Variants in RHOT2 observed in about 807,000 individuals in gnomAD.
RHOT2 encodes the protein mitochondrial Rho GTPase 2.
Under a neutral mutation model 81.6 loss-of-function variants are expected in RHOT2, and 90 were observed. That is an observed-to-expected ratio of 1.10 (90% confidence interval 0.93 to 1.31). The LOEUF (loss-of-function observed/expected upper bound fraction) is 1.31. Ranked by LOEUF, RHOT2 falls within the 40% of genes most tolerant of loss-of-function variation. RHOT2 has a pLI of 0.00. For missense variants in RHOT2, 1,014 were observed against 841.9 expected (o/e 1.20, Z -2.53); for synonymous variants, 512 against 370.9 (o/e 1.38, Z -4.37).
Position 672,571 on chromosome 16 carries a change from GTGC to G in RHOT2, c.1404+8_1404+10del. The G allele has an allele frequency of 6.2e-7, 1 of 1,612,470 alleles. No individual in the cohort carries two copies. Among genetic ancestry groups the G allele is most frequent in the East Asian group, 2.2e-5 (1 of 44,866 alleles). The stretch of plus-strand genomic sequence containing the variant: ...GGACAGGAGAAGTACTTGATCGTGA[GTGC>G]TGGGGCGGCGCGGCCTGTGCCCGAG... On this transcript the variant is annotated splice_donor_region_variant and intron_variant, in intron 16 of 18. Coordinates refer to ENST00000315082, the MANE Select transcript of RHOT2 (RefSeq NM_138769.3).
Position 670,497 on chromosome 16 carries a change from C to T in RHOT2, c.480C>T (p.Tyr160=). The part of the protein sequence containing the change: ...KNLRNISELF[Y]YAQKAVLHPT... ...TGAGGAACATCTCAGAGCTGTTCTA[C>T]TACGCCCAGAAGGCCGTCCTGCATC... The change falls in exon 8 of 19, where the codon TAC becomes TAT. Residue 160 remains tyrosine, a synonymous_variant. Coordinates refer to ENST00000315082, the MANE Select transcript of RHOT2 (RefSeq NM_138769.3). 1 of 1,608,662 alleles carries T rather than the reference C, an allele frequency of 6.2e-7. No homozygotes were observed. The highest frequency in any genetic ancestry group is 8.5e-7 in the Non-Finnish European group (1 of 1,177,710).
intron 16 of RHOT2, 61 bp from the exon 17 acceptor site, chr16:672,642 C>T: frequency 1.2e-6 from 2 of 1,609,658 alleles, no homozygotes; most frequent in Non-Finnish European, 8.5e-7. Flanking sequence ...AGATCTGGCC[C>T]AGCATGGCCC....
intron 11 of RHOT2, 92 bp from the exon 12 acceptor site, chr16:671,605 G>C: frequency 2.1e-6 from 3 of 1,400,038 alleles, no homozygotes; most frequent in Non-Finnish European, 3.0e-6. Flanking sequence ...GGAGGGTCCG[G>C]CTGCACCGAT....
rs1453811893 is a variant in RHOT2, at chr16:669,542, T to G, written c.223-11T>G. The G allele has an allele frequency of 5.0e-6, 8 of 1,611,334 alleles. No homozygotes were observed. The highest frequency in any genetic ancestry group is 3.3e-5 in the Admixed American group (2 of 59,970). ...AGCCCTGTCACCCACACCTCATCAC[T>G]GTTCCCTCAGGCAAACGTGGTGTGT... On this transcript the variant is annotated splice_polypyrimidine_tract_variant and intron_variant, in intron 4 of 18. Coordinates refer to ENST00000315082, the MANE Select transcript of RHOT2 (RefSeq NM_138769.3).
Position 671,879 on chromosome 16 carries a change from C to T in RHOT2, c.974C>T (p.Ser325Leu), listed in dbSNP as rs1473749278. Residue 325 changes from serine (S) to leucine (L), a missense_variant, in exon 13 of 19, where the codon TCG becomes TTG. Coordinates refer to ENST00000315082, the MANE Select transcript of RHOT2 (RefSeq NM_138769.3). ...KHDQDRDGAL[S>L]PVELQSLFSV... The stretch of plus-strand genomic sequence containing the variant: ...CTGCAGGACCGCGACGGCGCCCTCT[C>T]GCCCGTGGAGCTGCAAAGCCTTTTC... 3.7e-6 allele frequency: 6 copies of T among 1,601,626 alleles called. No homozygotes were observed. Among genetic ancestry groups the T allele is most frequent in the Admixed American group, 1.7e-5 (1 of 59,650 alleles).
In RHOT2 at chr16:668,489, T is replaced by TCCCTC; in HGVS notation, c.102_106dup (p.Arg36LeufsTer68). ...GGTGAGCGCGCGGGTCCCTTGCAGG[T>TCCCTC]CCCTCCCCGCGCGGAGGAGATCACC... On this transcript the variant is annotated frameshift_variant and splice_region_variant, in exon 3 of 19. Coordinates refer to ENST00000315082, the MANE Select transcript of RHOT2 (RefSeq NM_138769.3). LOFTEE classifies it high-confidence loss of function. 1 of 1,603,922 alleles carries TCCCTC rather than the reference T, an allele frequency of 6.2e-7. No homozygotes were observed. The highest frequency in any genetic ancestry group is 8.5e-7 in the Non-Finnish European group (1 of 1,176,296).
In RHOT2 at chr16:672,085, C is replaced by T. The variant is rs200771890; in HGVS notation, c.1099C>T (p.Leu367=). The T allele has an allele frequency of 1.2e-6, 2 of 1,612,590 alleles. No homozygotes were observed. Among genetic ancestry groups the T allele is most frequent in the East Asian group, 2.2e-5 (1 of 44,868 alleles). ...TGCCTGCCTCCCGCCCACCCCCAGC[C>T]TGGTGACCTACCTGGACGTCCGGAG... is the stretch of plus-strand genomic sequence containing the variant. ...PLHGYLCQWT[L]VTYLDVRSCL... is the part of the protein sequence containing the mutation. Residue 367 remains leucine, a splice_region_variant and synonymous_variant, in exon 14 of 19, where the codon CTG becomes TTG. Transcript: ENST00000315082.
In RHOT2 at chr16:672,140, A is replaced by G. The variant is rs1438594716; in HGVS notation, c.1154A>G (p.Tyr385Cys). Residue 385 changes from tyrosine (Y) to cysteine (C), a missense_variant, in exon 14 of 19, where the codon TAC becomes TGC. Physicochemically the swap from Tyr to Cys is radical, Grantham distance 194. Transcript: ENST00000315082. ...SCLGHLGYLG[Y>C]PTLCEQDQAH... ...CTTGGACACCTAGGCTACCTGGGCTACCCCACCCTCTGTGAGCAGGACCAG... is the reference window on the plus strand; with the variant it reads ...CTTGGACACCTAGGCTACCTGGGCTGCCCCACCCTCTGTGAGCAGGACCAG... 6.2e-7 allele frequency: 1 copy of G among 1,612,198 alleles called. No homozygotes were observed. The highest frequency in any genetic ancestry group is 2.2e-5 in the East Asian group (1 of 44,840).
chr16:668,597 G>C, intron 3 of RHOT2, 28 bp downstream of exon 3: 1 of 1,609,638 alleles, frequency 6.2e-7, no homozygotes, highest in Non-Finnish European at 8.5e-7. Context: ...CCGGGGGCCC[G>C]GCCCGCAGCG....
At chr16:671,413 T>TG (rs928098981) in intron 11 of RHOT2, 17 of 207,414 alleles carry the variant, frequency 8.2e-5, no homozygotes, top group Non-Finnish European at 1.3e-4. Flanking sequence ...AGTCGGGGGG[T>TG]GGGGGGGCTG....
Position 673,033 on chromosome 16 carries a change from A to C in RHOT2, c.1633A>C (p.Lys545Gln). ...SGPSPAEFCR[K>Q]HRLPAPVPFS... is the part of the protein sequence containing the mutation. ...CCCATCACCGGCCGAGTTTTGCCGC[A>C]AGCACCGGCTACCCGCTCCCGTGCC... The change falls in exon 18 of 19, where the codon AAG (lysine) becomes CAG (glutamine). Residue 545 changes from lysine to glutamine, a missense_variant. By Grantham distance (53) the Lys-to-Gln change is moderately conservative (BLOSUM62 1). Transcript: ENST00000315082. The C allele has an allele frequency of 6.2e-7, 1 of 1,612,186 alleles. No homozygotes were observed. The highest frequency in any genetic ancestry group is 8.5e-7 in the Non-Finnish European group (1 of 1,179,926).
intron 4 of RHOT2, 88 bp from the exon 5 acceptor site, chr16:669,465 C>G (rs2038529248): frequency 7.2e-7 from 1 of 1,397,506 alleles, no homozygotes; most frequent in Non-Finnish European, 1.0e-6. Flanking sequence ...CTGGGGCCTC[C>G]TGGAGCCTCG....
rs1567232962 is a variant in RHOT2, at chr16:668,647, T to TC, written c.179-4dup. On this transcript the variant is annotated splice_polypyrimidine_tract_variant and intron_variant, in intron 3 of 18. Coordinates refer to ENST00000315082, the MANE Select transcript of RHOT2 (RefSeq NM_138769.3). ...CTGGGTCCGCAGTGGAGTCTCTTTGTCCCCCTAGAAGCCGAGCAGACGGAC... is the reference window on the plus strand; with the variant it reads ...CTGGGTCCGCAGTGGAGTCTCTTTGTCCCCCCTAGAAGCCGAGCAGACGGAC... 8 of 1,606,802 alleles carry TC rather than the reference T, an allele frequency of 5.0e-6. No individual in the cohort carries two copies. Among genetic ancestry groups the TC allele is most frequent in the African/African-American group, 2.7e-5 (2 of 74,250 alleles).
rs201840424 is a variant in RHOT2, at chr16:672,567, G to C, written c.1404+1G>C. 6.2e-6 allele frequency: 10 copies of C among 1,612,502 alleles called. No homozygotes were observed. The highest frequency in any genetic ancestry group is 8.5e-6 in the Non-Finnish European group (10 of 1,179,838). Reference sequence around the variant, plus strand: ...CAATGGACAGGAGAAGTACTTGATCGTGAGTGCTGGGGCGGCGCGGCCTGT... The same window carrying C: ...CAATGGACAGGAGAAGTACTTGATCCTGAGTGCTGGGGCGGCGCGGCCTGT... On this transcript the variant is annotated splice_donor_variant, in intron 16 of 18. Coordinates refer to ENST00000315082, the MANE Select transcript of RHOT2 (RefSeq NM_138769.3). LOFTEE classifies it high-confidence loss of function.
Position 670,928 on chromosome 16 carries a change from C to G in RHOT2, c.676C>G (p.Leu226Val). 2.5e-6 allele frequency: 4 copies of G among 1,569,718 alleles called. No homozygotes were observed. The highest frequency in any genetic ancestry group is 3.5e-6 in the Non-Finnish European group (4 of 1,154,776). ...TGGGCACCCCCTGGCCCCGCAGGCCCTGGAGGACGTGAAGACGGTGGTGTG... is the reference window on the plus strand; with the variant it reads ...TGGGCACCCCCTGGCCCCGCAGGCCGTGGAGGACGTGAAGACGGTGGTGTG... The part of the protein sequence containing the change: ...CFGHPLAPQA[L>V]EDVKTVVCRN... Residue 226 changes from leucine to valine, a missense_variant, in exon 10 of 19, where the codon CTG (leucine) becomes GTG (valine). Leu to Val is a conservative substitution (Grantham distance 32, BLOSUM62 1). Transcript: ENST00000315082.
At position 673,637 on chromosome 16, in the gene RHOT2, C is replaced by T; in HGVS notation, c.*31C>T. The T allele has an allele frequency of 1.3e-6, 2 of 1,589,364 alleles. No individual in the cohort carries two copies. The highest frequency in any genetic ancestry group is 1.4e-5 in the African/African-American group (1 of 73,708). ...CTGGTACCCAAGCCCCCTCCCCTGA[C>T]CTGGGTGTGCCTCGCTGCTGGGGCT... On this transcript the variant is annotated 3_prime_UTR_variant, in exon 19 of 19. Transcript: ENST00000315082.
intron 13 of RHOT2, 40 bp downstream of exon 13, chr16:672,042 C>G (rs1467841857): frequency 1.2e-6 from 2 of 1,612,220 alleles, no homozygotes; most frequent in East Asian, 4.5e-5. Context: ...CCGCACCACC[C>G]TCCCCACCAT....
At chr16:669,291 C>T (rs2038495473) in intron 4 of RHOT2, 2 of 566,160 alleles carry the variant, frequency 3.5e-6, no homozygotes, top group South Asian at 2.0e-5. Context: ...CCTGGTGTCC[C>T]TGCACTGGCA....
intron 15 of RHOT2, 27 bp from the exon 16 acceptor site, chr16:672,462 C>T (rs370034322): frequency 1.5e-5 from 24 of 1,611,648 alleles, no homozygotes; most frequent in East Asian, 2.2e-5. Context: ...CTGCAGCCAG[C>T]GAGTGTCAGG....
Sources: gnomAD v4.1 joint callset for allele counts on GRCh38, gnomAD v4.1.1 for gene constraint, MANE v1.5 for transcripts, NCBI Gene and HGNC (gene_info 2026-07-23, HGNC 2026-07-21) for gene names.